The following RYK variants were observed in gnomAD, a reference collection of about 807,000 sequenced individuals.
RYK encodes inactive tyrosine-protein kinase RYK.
A neutral mutation model predicts 70.2 loss-of-function variants in RYK; 21 were observed. The ratio of observed to expected loss-of-function variants is 0.30; its 90% CI spans 0.21 to 0.43. The LOEUF (loss-of-function observed/expected upper bound fraction) is 0.43. Among genes scored for constraint, RYK ranks in the 20% least tolerant of loss-of-function variants. The pLI, the probability that RYK is intolerant of heterozygous loss-of-function variation, is 1.00. For missense variants in RYK, 604 were observed against 753.3 expected (o/e 0.80, Z 2.32); for synonymous variants, 267 against 278.0 (o/e 0.96, Z 0.39).
chr3:134,193,958 T>C (rs2013730755), intron 7 of RYK, among the ~76,000 whole-genome samples: 1 of 152,186 alleles, frequency 6.6e-6, no homozygotes, highest in South Asian at 2.1e-4. Context: ...GGGTACGAAA[T>C]ACCTAGGTCC....
At chr3:134,215,406 G>A (rs1441522542) in intron 2 of RYK, among the ~76,000 whole-genome samples, 2 of 152,204 alleles carry the variant, frequency 1.3e-5, no homozygotes, top group African/African-American at 4.8e-5. Flanking sequence ...CAGCTTAGAG[G>A]AATATGAAGC....
intron 4 of RYK, among the ~76,000 whole-genome samples, chr3:134,209,423 C>T (rs1004304891): frequency 6.6e-6 from 1 of 152,168 alleles, no homozygotes; most frequent in Non-Finnish European, 1.5e-5. Flanking sequence ...TATTTCTTTA[C>T]CTCTTCAACC....
chr3:134,207,403 A>G (rs2014248138), intron 5 of RYK, 69 bp downstream of exon 5: 10 of 967,094 alleles, frequency 1.0e-5, no homozygotes, highest in Admixed American at 2.9e-5. Context: ...GCTTCATGCA[A>G]TCATGTTTAT....
At chr3:134,195,459 C>T in intron 6 of RYK, 1 of 297,674 alleles carries the variant, frequency 3.4e-6, no homozygotes, top group Non-Finnish European at 6.2e-6. Flanking sequence ...AGCTAATTGT[C>T]CTAAACTTCA....
intron 1 of RYK, among the ~76,000 whole-genome samples, chr3:134,229,284 C>A (rs1319424864): frequency 6.6e-6 from 1 of 150,444 alleles, no homozygotes; most frequent in Non-Finnish European, 1.5e-5. Flanking sequence ...CTCGCACTCT[C>A]TCTACTGCCT....
At chr3:134,212,841 C>T (rs762223896) in intron 2 of RYK, among the ~76,000 whole-genome samples, 3 of 152,156 alleles carry the variant, frequency 2.0e-5, no homozygotes, top group Non-Finnish European at 4.4e-5. Context: ...TTTGATTCCC[C>T]TTGGGGTTTC....
intron 1 of RYK, among the ~76,000 whole-genome samples, chr3:134,224,375 T>C (rs765039068): frequency 6.6e-6 from 1 of 152,182 alleles, no homozygotes; most frequent in Non-Finnish European, 1.5e-5. Flanking sequence ...ATTTCTTCTA[T>C]GCATTTCTCG....
intron 1 of RYK, 126 bp from the exon 2 acceptor site, chr3:134,222,665 T>C (rs2014777746): frequency 8.0e-6 from 6 of 751,190 alleles, no homozygotes; most frequent in Non-Finnish European, 1.3e-5. Flanking sequence ...CAAATGGCCC[T>C]AACATGGGCT....
rs185126676 is a variant in RYK, at chr3:134,196,119, A to G, written c.789-937T>C. On this transcript the variant is annotated intron_variant, in intron 6 of 14. Transcript: ENST00000623711. The stretch of plus-strand genomic sequence containing the variant: ...GACACCAAGAAGATGATAGGTTCAA[A>G]TAATTGTAAACCTTGTGTTCAAGAT... 8.3e-4 allele frequency among the ~76,000 whole-genome samples: 127 copies of G among 152,312 alleles called. 2 individuals carry two copies. The highest frequency in any genetic ancestry group is 5.8e-4 in the East Asian group (3 of 5,188).
At chr3:134,166,050 G>A (rs1189260917) in intron 13 of RYK, among the ~76,000 whole-genome samples, 1 of 152,212 alleles carries the variant, frequency 6.6e-6, no homozygotes, top group African/African-American at 2.4e-5. Flanking sequence ...TTTTGCATGT[G>A]AGAATGACAT....
At chr3:134,208,932 C>G (rs931331584) in intron 4 of RYK, among the ~76,000 whole-genome samples, 4 of 152,076 alleles carry the variant, frequency 2.6e-5, no homozygotes, top group African/African-American at 7.2e-5. Context: ...ATTTCCCCCC[C>G]CCATCTTAGA....
chr3:134,202,349 A>G (rs1477239989), intron 6 of RYK, among the ~76,000 whole-genome samples: 5 of 152,202 alleles, frequency 3.3e-5, no homozygotes, highest in African/African-American at 1.2e-4. Flanking sequence ...CAGGTGCTCA[A>G]TACATGTTTA....
chr3:134,188,851 A>G lies in RYK; in HGVS notation c.1088T>C (p.Val363Ala), dbSNP rs1047007402. ...KDPNKEKQAF[V>A]KTVKDQASEI... ...AAAGATCCTACCTTTAACTGTTTTG[A>G]CAAATGCTTGTTTTTCTTTATTTGG... Residue 363 changes from valine to alanine, a missense_variant, in exon 9 of 15, where the codon GTC becomes GCC. Val to Ala is a moderately conservative substitution (Grantham distance 64). This residue lies in a region of RYK where 466 missense variants were observed against 535.9 expected (regional missense o/e 0.87). Transcript: ENST00000623711. 1 of 1,570,404 alleles carries G rather than the reference A, an allele frequency of 6.4e-7. No individual in the cohort carries two copies. The highest frequency in any genetic ancestry group is 1.3e-5 in the African/African-American group (1 of 74,098).
At chr3:134,201,074 T>C (rs1449235331) in intron 6 of RYK, among the ~76,000 whole-genome samples, 3 of 152,222 alleles carry the variant, frequency 2.0e-5, no homozygotes, top group Admixed American at 6.5e-5. Flanking sequence ...CTTCCAAATG[T>C]CATGCTCTTC....
chr3:134,194,192 T>C (rs1251583426), intron 7 of RYK, among the ~76,000 whole-genome samples: 1 of 152,208 alleles, frequency 6.6e-6, no homozygotes, highest in East Asian at 1.9e-4. Flanking sequence ...ACCAGCACCA[T>C]CTGGTTAACC....
intron 13 of RYK, among the ~76,000 whole-genome samples, chr3:134,163,456 C>T (rs916135125): frequency 2.0e-5 from 3 of 152,302 alleles, no homozygotes; most frequent in Admixed American, 6.5e-5. Context: ...ATTTAAAGAA[C>T]ATTTAGATAA....
chr3:134,239,734 A>C (rs1004181184), intron 1 of RYK, among the ~76,000 whole-genome samples: 11 of 152,248 alleles, frequency 7.2e-5, no homozygotes, highest in African/African-American at 2.7e-4. Flanking sequence ...AAAGTGGAAC[A>C]ACCTAAAAAG....
chr3:134,211,011 A>G (rs2014376539), intron 3 of RYK, among the ~76,000 whole-genome samples: 1 of 152,224 alleles, frequency 6.6e-6, no homozygotes, highest in Non-Finnish European at 1.5e-5. Flanking sequence ...TCAGAACTGC[A>G]TGTAGTCTGG....
rs376118519 is a variant in RYK, at chr3:134,230,212, A to G, written c.233-7673T>C. The stretch of plus-strand genomic sequence containing the variant: ...AGCGATTCTCCTGCTTCAGCCTCCT[A>G]AGTAGCTGGGATTATGGGCACCTGC... On this transcript the variant is annotated intron_variant, in intron 1 of 14. Transcript: ENST00000623711. Among the ~76,000 whole-genome samples, 488 of 152,186 alleles carry G rather than the reference A, an allele frequency of 3.2e-3. 2 individuals are homozygous for G. Among genetic ancestry groups the G allele is most frequent in the African/African-American group, 0.011 (454 of 41,520 alleles).
Sources: gnomAD v4.1 joint callset for allele counts (sites outside exome capture counted in the v4.1 genomes callset) on GRCh38, gnomAD v4.1.1 for gene constraint, gnomAD v4.1.1 regional missense constraint, MANE v1.5 for transcripts, NCBI Gene and HGNC (gene_info 2026-07-23, HGNC 2026-07-21) for gene names.